MARCHF1: variants seen among roughly 807,000 people sequenced by gnomAD.
MARCHF1 encodes the protein E3 ubiquitin-protein ligase MARCHF1.
Under a neutral mutation model 54.2 loss-of-function variants are expected in MARCHF1, and 40 were observed. The observed-to-expected ratio is 0.74, with a 90% confidence interval of 0.57 to 0.96. MARCHF1 has a LOEUF of 0.96. Ranked by LOEUF, MARCHF1 falls within the 40% of genes least tolerant of loss-of-function variation. The pLI is 0.00. For missense variants in MARCHF1, 586 were observed against 656.5 expected (o/e 0.89, Z 1.17); for synonymous variants, 236 against 236.3 (o/e 1.00, Z 0.01).
intron 9 of MARCHF1, among the ~76,000 whole-genome samples, 155 bp downstream of exon 9, chr4:163,545,441 A>G (rs1738865323): frequency 6.6e-6 from 1 of 152,190 alleles, no homozygotes; most frequent in Admixed American, 6.5e-5. Flanking sequence ...GAGTATTTTA[A>G]TCAATAACAT....
chr4:164,134,307 T>A (rs1238594158), intron 1 of MARCHF1, among the ~76,000 whole-genome samples: 2 of 152,208 alleles, frequency 1.3e-5, no homozygotes, highest in Non-Finnish European at 2.9e-5. Context: ...ATTTTAAAAC[T>A]CAGGTAATTT....
At chr4:163,597,873 G>C (rs550443383) in intron 7 of MARCHF1, among the ~76,000 whole-genome samples, 1 of 152,176 alleles carries the variant, frequency 6.6e-6, no homozygotes, top group African/African-American at 2.4e-5. Flanking sequence ...TCTACATACT[G>C]TCCTTCATAT....
intron 4 of MARCHF1, among the ~76,000 whole-genome samples, chr4:163,811,146 T>G (rs1389824983): frequency 6.6e-6 from 1 of 152,184 alleles, no homozygotes; most frequent in Non-Finnish European, 1.5e-5. Context: ...CTTTCTTGAC[T>G]TTTTAAAACC....
At chr4:164,095,077 G>T (rs564978315) in intron 2 of MARCHF1, among the ~76,000 whole-genome samples, 2 of 152,150 alleles carry the variant, frequency 1.3e-5, no homozygotes, top group South Asian at 4.2e-4. Flanking sequence ...CATTTTAGTT[G>T]ATACAACAAA....
At chr4:164,225,857 T>A (rs1392937238) in intron 1 of MARCHF1, among the ~76,000 whole-genome samples, 1 of 152,058 alleles carries the variant, frequency 6.6e-6, no homozygotes, top group African/African-American at 2.4e-5. Context: ...TTCCTACTTG[T>A]TTTAATGCAT....
At chr4:163,677,718 G>A (rs191951466) in intron 5 of MARCHF1, among the ~76,000 whole-genome samples, 73 of 152,236 alleles carry the variant, frequency 4.8e-4, no homozygotes, top group Non-Finnish European at 8.4e-4. Flanking sequence ...TCCCACTAGT[G>A]TAAAAGCCCT....
At chr4:164,265,704 C>T (rs1401414842) in intron 1 of MARCHF1, among the ~76,000 whole-genome samples, 2 of 151,988 alleles carry the variant, frequency 1.3e-5, no homozygotes, top group South Asian at 4.1e-4. Flanking sequence ...TTGTCTCTTT[C>T]CCAGATCCAG....
intron 3 of MARCHF1, among the ~76,000 whole-genome samples, chr4:163,883,998 A>T (rs1750476672): frequency 6.6e-6 from 1 of 152,176 alleles, no homozygotes; most frequent in South Asian, 2.1e-4. Flanking sequence ...CCAGGATATT[A>T]AAATAGTGGG....
intron 7 of MARCHF1, among the ~76,000 whole-genome samples, chr4:163,598,441 T>G (rs1740842305): frequency 6.6e-6 from 1 of 152,234 alleles, no homozygotes; most frequent in Admixed American, 6.5e-5. Flanking sequence ...ATTCCATCAT[T>G]GTGTGAACAT....
chr4:164,096,107 C>T (rs1344084448), intron 2 of MARCHF1, among the ~76,000 whole-genome samples: 1 of 152,166 alleles, frequency 6.6e-6, no homozygotes, highest in Non-Finnish European at 1.5e-5. Context: ...CTAAAAGACA[C>T]ATGCACTCAT....
intron 1 of MARCHF1, among the ~76,000 whole-genome samples, chr4:164,201,004 A>G (rs1023955537): frequency 3.3e-5 from 5 of 152,212 alleles, no homozygotes; most frequent in African/African-American, 1.2e-4. Context: ...AAACAGACTA[A>G]CAGAAAGAAA....
intron 9 of MARCHF1, among the ~76,000 whole-genome samples, chr4:163,536,736 A>T (rs924779415): frequency 2.0e-5 from 3 of 152,162 alleles, no homozygotes; most frequent in African/African-American, 7.2e-5. Flanking sequence ...CAAAGCCTAT[A>T]ATATACCTGG....
intron 1 of MARCHF1, among the ~76,000 whole-genome samples, chr4:164,158,791 C>T (rs1375564965): frequency 6.6e-6 from 1 of 152,114 alleles, no homozygotes; most frequent in Non-Finnish European, 1.5e-5. Flanking sequence ...CATTTCTTTC[C>T]AACTATGCTC....
intron 1 of MARCHF1, chr4:164,197,746 C>T: frequency 6.2e-7 from 1 of 1,610,654 alleles, no homozygotes; most frequent in Non-Finnish European, 8.5e-7. Flanking sequence ...GCTCTCGTGC[C>T]AGCCGAATTC....
chr4:164,242,287 G>C (rs565291577), intron 1 of MARCHF1, among the ~76,000 whole-genome samples: 5 of 143,232 alleles, frequency 3.5e-5, no homozygotes, highest in Admixed American at 7.0e-5. Context: ...ATCTGAGAAC[G>C]GGCAGACTGC....
At position 163,828,050 on chromosome 4, in the gene MARCHF1, C is replaced by G. The variant is rs932539893; in HGVS notation, c.111+25971G>C. 4.2e-3 allele frequency among the ~76,000 whole-genome samples: 422 copies of G among 101,500 alleles called. 5 individuals carry two copies. The highest frequency in any genetic ancestry group is 7.5e-3 in the Non-Finnish European group (318 of 42,334). 66.6% of individuals were successfully genotyped at this position (101,500 alleles called of 152,430 possible). On this transcript the variant is annotated intron_variant, in intron 4 of 9. Coordinates refer to ENST00000514618, the MANE Select transcript of MARCHF1 (RefSeq NM_001394959.1). ...ACACACACACACACACACACACACA[C>G]ACACAGACACACCTTGTCATTCTCC...
At chr4:164,050,623 A>G (rs1425191051) in intron 2 of MARCHF1, among the ~76,000 whole-genome samples, 1 of 152,196 alleles carries the variant, frequency 6.6e-6, no homozygotes, top group African/African-American at 2.4e-5. Flanking sequence ...ATTGCTGGAC[A>G]TGTGGCATGT....
chr4:164,351,608 C>T (rs1163407052), intron 1 of MARCHF1, among the ~76,000 whole-genome samples: 1 of 152,196 alleles, frequency 6.6e-6, no homozygotes, highest in African/African-American at 2.4e-5. Flanking sequence ...AAAAACCCAT[C>T]TGTACATCAC....
chr4:164,257,528 C>A (rs1473018889), intron 1 of MARCHF1, among the ~76,000 whole-genome samples: 1 of 151,302 alleles, frequency 6.6e-6, no homozygotes, highest in Admixed American at 6.6e-5. Context: ...TATCTATTAA[C>A]TAGCTATAAG....
Sources: gnomAD v4.1 joint callset for allele counts (sites outside exome capture counted in the v4.1 genomes callset) on GRCh38, gnomAD v4.1.1 for gene constraint, MANE v1.5 for transcripts, NCBI Gene and HGNC (gene_info 2026-07-23, HGNC 2026-07-21) for gene names.